The following TREM2 variants were observed in gnomAD, a reference collection of about 807,000 sequenced individuals.
TREM2 encodes triggering receptor expressed on myeloid cells 2, also known as triggering receptor expressed on monocytes 2.
In TREM2, 20 loss-of-function variants were observed where a neutral mutation model predicts 22.9. The observed-to-expected ratio is 0.87, with a 90% CI of 0.61 to 1.27. The LOEUF (loss-of-function observed/expected upper bound fraction) is 1.27, where lower values mean the gene tolerates loss of function less well. Ranked by LOEUF, TREM2 falls within the 50% of genes most tolerant of loss-of-function variation. TREM2 has a pLI of 0.00. For synonymous variants in TREM2, 111 were observed against 120.9 expected, an observed-to-expected ratio of 0.92 and a Z score of 0.54; for missense variants, 267 against 289.0, an observed-to-expected ratio of 0.92 and a Z score of 0.55.
Position 41,158,742 on chromosome 6 carries a change from C to T in TREM2, c.*22G>A. The T allele has an allele frequency of 6.2e-7, 1 of 1,614,222 alleles. No individual in the cohort carries two copies. Among genetic ancestry groups the T allele is most frequent in the Middle Eastern group, 1.6e-4 (1 of 6,062 alleles). ...GGTCCCTGGTGGGACTTCTCCTGGGCTTTTCCTCCCATCATCTTCCTTCAC... is the reference window on the plus strand; with the variant it reads ...GGTCCCTGGTGGGACTTCTCCTGGGTTTTTCCTCCCATCATCTTCCTTCAC... On this transcript the variant is annotated 3_prime_UTR_variant, in exon 5 of 5. Coordinates refer to ENST00000373113, the MANE Select transcript of TREM2 (RefSeq NM_018965.4).
In TREM2 at chr6:41,161,554, C is replaced by T. The variant is rs1765567940; in HGVS notation, c.100G>A (p.Val34Met). Residue 34 changes from valine to methionine, a missense_variant, in exon 2 of 5, where the codon GTG becomes ATG. Val to Met is a conservative substitution (Grantham distance 21). Coordinates refer to ENST00000373113, the MANE Select transcript of TREM2 (RefSeq NM_018965.4). The stretch of plus-strand genomic sequence containing the variant: ...TTCATGGAGTCATAGGGGCAAGACA[C>T]CTGCAGGGACTGGCCCGCCACGCCC... Reference protein sequence around the residue: ...FQGVAGQSLQVSCPYDSMKHW... With the variant: ...FQGVAGQSLQMSCPYDSMKHW... The T allele has an allele frequency of 1.9e-6, 3 of 1,614,030 alleles. No homozygotes were observed. The South Asian group carries it at 3.3e-5, about 18-fold the overall frequency.
At chr6:41,161,939 C>T (rs1765578126) in intron 1 of TREM2, among the ~76,000 whole-genome samples, 6 of 152,010 alleles carry the variant, frequency 3.9e-5, no homozygotes, top group Admixed American at 3.9e-4. Flanking sequence ...GGACTGGGAC[C>T]TCTCCTCTCG....
intron 1 of TREM2, 46 bp from the exon 2 acceptor site, chr6:41,161,659 T>G: frequency 6.6e-7 from 1 of 1,505,954 alleles, no homozygotes; most frequent in Non-Finnish European, 9.1e-7. Flanking sequence ...CAAATACGCT[T>G]TGAACACTTG....
At chr6:41,159,973 G>A (rs898740410) in intron 2 of TREM2, 91 bp from the exon 3 acceptor site, 9 of 994,872 alleles carry the variant, frequency 9.0e-6, no homozygotes, top group Admixed American at 1.9e-5. Context: ...GTGGGGTGAG[G>A]TCCCCTGGGC....
In TREM2 at chr6:41,158,581, T is replaced by C; in HGVS notation, c.*183A>G. 1.9e-6 allele frequency: 3 copies of C among 1,549,634 alleles called. No homozygotes were observed. Among genetic ancestry groups the C allele is most frequent in the Non-Finnish European group, 2.6e-6 (3 of 1,144,684 alleles). Reference sequence around the variant, plus strand: ...TCCAATATTCAGAAGTTGTCAGGTGTTCTTACCACCTCCCCACTCCCTCAA... The same window carrying C: ...TCCAATATTCAGAAGTTGTCAGGTGCTCTTACCACCTCCCCACTCCCTCAA... On this transcript the variant is annotated 3_prime_UTR_variant, in exon 5 of 5. Coordinates refer to ENST00000373113, the MANE Select transcript of TREM2 (RefSeq NM_018965.4).
In TREM2 at chr6:41,161,326, A is replaced by G; in HGVS notation, c.328T>C (p.Cys110Arg). 2 of 1,614,196 alleles carry G rather than the reference A, an allele frequency of 1.2e-6. No homozygotes were observed. The highest frequency in any genetic ancestry group is 1.7e-6 in the Non-Finnish European group (2 of 1,180,030). The stretch of plus-strand genomic sequence containing the variant: ...GCCTCACTGCCATGGAGGCTCTGGC[A>G]CTGGTAGAGACCCGCATCATGGGGT... ...LQPHDAGLYQ[C>R]QSLHGSEADT... Residue 110 changes from cysteine to arginine, a missense_variant, in exon 2 of 5, where the codon TGC becomes CGC. Transcript: ENST00000373113.
At position 41,158,707 on chromosome 6, in the gene TREM2, A is replaced by G; in HGVS notation, c.*57T>C. 8 of 1,614,204 alleles carry G rather than the reference A, an allele frequency of 5.0e-6. No individual in the cohort carries two copies. Among genetic ancestry groups the G allele is most frequent in the Non-Finnish European group, 5.1e-6 (6 of 1,180,036 alleles). On this transcript the variant is annotated 3_prime_UTR_variant, in exon 5 of 5. Transcript: ENST00000373113. ...CCTGGTGGCCAAGTGGCAAGTATGC[A>G]GGCTGGGCTGGTCCCTGGTGGGACT...
At chr6:41,160,838 C>G (rs192083720) in intron 2 of TREM2, among the ~76,000 whole-genome samples, 1 of 152,296 alleles carries the variant, frequency 6.6e-6, no homozygotes, top group East Asian at 1.9e-4. Context: ...GCTTCACTTA[C>G]GTTGATAGGG....
intron 3 of TREM2, 33 bp from the exon 4 acceptor site, chr6:41,159,099 G>A (rs760316825): frequency 1.3e-6 from 2 of 1,593,712 alleles, no homozygotes; most frequent in East Asian, 2.2e-5. Context: ...TGGGAGCCTT[G>A]AGATGGCCTA....
In TREM2 at chr6:41,159,892, G is replaced by T; in HGVS notation, c.392-10C>A. On this transcript the variant is annotated splice_polypyrimidine_tract_variant and intron_variant, in intron 2 of 4. Transcript: ENST00000373113. ...CGGTGATCCAGGGGGTCTATGGGAGGCAGAGCCATGAGCCTCCAGCCCCTT... is the reference window on the plus strand; with the variant it reads ...CGGTGATCCAGGGGGTCTATGGGAGTCAGAGCCATGAGCCTCCAGCCCCTT... The T allele has an allele frequency of 6.2e-7, 1 of 1,612,428 alleles. No individual in the cohort carries two copies. Among genetic ancestry groups the T allele is most frequent in the Non-Finnish European group, 8.5e-7 (1 of 1,179,152 alleles).
At chr6:41,159,459 G>A (rs1182999309) in intron 3 of TREM2, among the ~76,000 whole-genome samples, 2 of 152,142 alleles carry the variant, frequency 1.3e-5, no homozygotes, top group African/African-American at 4.8e-5. Flanking sequence ...TCTTAGCTTT[G>A]TACTAAAGTA....
At chr6:41,159,701 T>G in intron 3 of TREM2, 91 bp downstream of exon 3, 3 of 1,151,706 alleles carry the variant, frequency 2.6e-6, no homozygotes, top group Non-Finnish European at 3.9e-6. Context: ...TGCCTTGTAA[T>G]TTGTAGTTCA....
Position 41,161,476 on chromosome 6 carries a change from A to G in TREM2, c.178T>C (p.Cys60Arg). The change falls in exon 2 of 5, where the codon TGC (cysteine) becomes CGC (arginine). Residue 60 changes from cysteine to arginine, a missense_variant. Physicochemically the swap from Cys to Arg is radical, Grantham distance 180 (BLOSUM62 -3). Coordinates refer to ENST00000373113, the MANE Select transcript of TREM2 (RefSeq NM_018965.4). ...WCRQLGEKGP[C>R]QRVVSTHNLW... ...TTGTGCGTGCTGACCACACGCTGGCATGGGCCCTTCTCTCCCAGCTGGCGG... is the reference window on the plus strand; with the variant it reads ...TTGTGCGTGCTGACCACACGCTGGCGTGGGCCCTTCTCTCCCAGCTGGCGG... The G allele has an allele frequency of 6.2e-7, 1 of 1,614,208 alleles. No homozygotes were observed. Among genetic ancestry groups the G allele is most frequent in the Non-Finnish European group, 8.5e-7 (1 of 1,180,036 alleles).
At chr6:41,162,346 C>A (rs983123689) in intron 1 of TREM2, among the ~76,000 whole-genome samples, 20 of 152,220 alleles carry the variant, frequency 1.3e-4, no homozygotes, top group African/African-American at 4.1e-4. Context: ...CTGACCACCT[C>A]CCATCCATGC....
At position 41,161,267 on chromosome 6, in the gene TREM2, CA is replaced by C. The variant is rs1765556283; in HGVS notation, c.386del (p.Leu129ArgfsTer60). The C allele has an allele frequency of 1.2e-6, 2 of 1,613,612 alleles. No homozygotes were observed. Among genetic ancestry groups the C allele is most frequent in the Admixed American group, 1.7e-5 (1 of 59,982 alleles). ...AGGCAGCCACTGCCCACTCACCTGC[CA>C]GCACCTCCACCAGGACCTTCCTGAG... Reference protein sequence around the residue: ...DTLRKVLVEVLADPLDHRDAG... With the variant: ...DTLRKVLVEVXADPLDHRDAG... On this transcript the variant is annotated frameshift_variant, in exon 2 of 5. Coordinates refer to ENST00000373113, the MANE Select transcript of TREM2 (RefSeq NM_018965.4). LOFTEE classifies it high-confidence loss of function.
chr6:41,160,153 T>G (rs1362769676), intron 2 of TREM2, among the ~76,000 whole-genome samples: 1 of 152,152 alleles, frequency 6.6e-6, no homozygotes, highest in Non-Finnish European at 1.5e-5. Flanking sequence ...AATGCCCCCC[T>G]CCTTCCGCAC....
Position 41,161,537 on chromosome 6 carries a change from G to A in TREM2, c.117C>T (p.Asp39=). Residue 39 remains aspartate (D), a synonymous_variant, in exon 2 of 5, where the codon GAC becomes GAT. Transcript: ENST00000373113. ...TGCGCCTCCCCCAGTGCTTCATGGAGTCATAGGGGCAAGACACCTGCAGGG... is the reference window on the plus strand; with the variant it reads ...TGCGCCTCCCCCAGTGCTTCATGGAATCATAGGGGCAAGACACCTGCAGGG... The part of the protein sequence containing the change: ...GQSLQVSCPY[D]SMKHWGRRKA... 1 of 1,614,182 alleles carries A rather than the reference G, an allele frequency of 6.2e-7. No homozygotes were observed. The highest frequency in any genetic ancestry group is 8.5e-7 in the Non-Finnish European group (1 of 1,180,032).
In TREM2 at chr6:41,158,938, C is replaced by T. The variant is rs769593356; in HGVS notation, c.611G>A (p.Gly204Glu). ...WAAAWHGQKP[G>E]THPPSELDCG... ...GTCCAGTTCACTGGGTGGATGTGTC[C>T]CTGGCTTCTGTCCATGCCAGGCTGC... The change falls in exon 4 of 5, where the codon GGG (glycine) becomes GAG (glutamate). Residue 204 changes from glycine to glutamate, a missense_variant. Coordinates refer to ENST00000373113, the MANE Select transcript of TREM2 (RefSeq NM_018965.4). 11 of 1,614,102 alleles carry T rather than the reference C, an allele frequency of 6.8e-6. No homozygotes were observed. In the East Asian group the frequency reaches 2.2e-4, roughly 33 times the overall value.
chr6:41,162,387 T>A (rs1298474868), intron 1 of TREM2, among the ~76,000 whole-genome samples: 1 of 152,176 alleles, frequency 6.6e-6, no homozygotes, highest in Admixed American at 6.5e-5. Flanking sequence ...CTGACCACCA[T>A]CTAAGAAGCT....
Sources: allele counts gnomAD v4.1 joint callset (sites outside exome capture counted in the v4.1 genomes callset), GRCh38; gene constraint gnomAD v4.1.1; transcripts MANE v1.5; gene names NCBI Gene and HGNC (gene_info 2026-07-23, HGNC 2026-07-21).